The following NBEA variants were observed in gnomAD, a reference collection of about 807,000 sequenced individuals.
The protein encoded by NBEA is neurobeachin.
A neutral mutation model predicts 343.4 loss-of-function variants in NBEA; 44 were observed. The ratio of observed to expected loss-of-function variants is 0.13; its 90% CI spans 0.10 to 0.16. The LOEUF (loss-of-function observed/expected upper bound fraction) is 0.16. Among genes scored for constraint, NBEA ranks in the 10% least tolerant of loss-of-function variants. NBEA has a pLI of 1.00. For synonymous variants in NBEA, 1,175 were observed against 1,238.7 expected, an observed-to-expected ratio of 0.95 and a Z score of 1.08; for missense variants, 2,555 against 3,631.3, an observed-to-expected ratio of 0.70 and a Z score of 7.62.
At chr13:35,102,832 G>A (rs536350367) in intron 11 of NBEA, among the ~76,000 whole-genome samples, 1 of 151,760 alleles carries the variant, frequency 6.6e-6, no homozygotes, top group African/African-American at 2.4e-5. Flanking sequence ...GAGAATGATA[G>A]TTTTGTTTTT....
rs957986448 is a variant in NBEA at position 35,003,447 on chromosome 13, C to T, written c.295-37486C>T. Among the ~76,000 whole-genome samples the T allele has an allele frequency of 2.0e-5, 3 of 152,206 alleles. No individual in the cohort carries two copies. In the South Asian group the frequency reaches 6.2e-4, roughly 32 times the overall value. ...AGAAAATGCAGGTATATGCTTTTTA[C>T]AAGAAATGCCCAAGTAGTAAAAGGA... On this transcript the variant is annotated intron_variant, in intron 1 of 58. Coordinates refer to ENST00000379939, the MANE Select transcript of NBEA (RefSeq NM_001385012.1).
At chr13:35,306,977 C>A (rs1010202827) in intron 35 of NBEA, among the ~76,000 whole-genome samples, 7 of 151,986 alleles carry the variant, frequency 4.6e-5, no homozygotes, top group African/African-American at 7.2e-5. Flanking sequence ...ATTTCACATT[C>A]TTTTTTGATA....
chr13:35,665,894 C>T (rs1048969757), intron 56 of NBEA, among the ~76,000 whole-genome samples: 2 of 152,190 alleles, frequency 1.3e-5, no homozygotes, highest in African/African-American at 4.8e-5. Context: ...TCCCAAATTG[C>T]TGGGATTACA....
intron 37 of NBEA, 100 bp from the exon 38 acceptor site, chr13:35,352,057 A>G: frequency 1.5e-6 from 1 of 663,142 alleles, no homozygotes; most frequent in Non-Finnish European, 2.2e-6. Context: ...TTGAGTTTTA[A>G]AAAGTTGAAT....
intron 41 of NBEA, among the ~76,000 whole-genome samples, chr13:35,522,475 CAAAAAAAA>C (rs138270833): frequency 8.8e-4 from 37 of 42,074 alleles, no homozygotes; most frequent in African/African-American, 2.1e-3. Context: ...ATACCATCTC[CAAAAAAAA>C]AAAAAAAAAA....
At position 35,156,721 on chromosome 13, in the gene NBEA, G is replaced by A. The variant is rs1425458416; in HGVS notation, c.2652-357G>A. On this transcript the variant is annotated intron_variant, in intron 20 of 58. Coordinates refer to ENST00000379939, the MANE Select transcript of NBEA (RefSeq NM_001385012.1). ...CAGTGTAAGACTTTGTGCTACACAA[G>A]ATAGTCTTAGTACACAGTCTCAGTA... Among the ~76,000 whole-genome samples the A allele has an allele frequency of 1.8e-4, 28 of 152,254 alleles. 1 individual carries two copies. Among genetic ancestry groups the A allele is most frequent in the Non-Finnish European group, 7.4e-5 (5 of 68,012 alleles).
intron 38 of NBEA, among the ~76,000 whole-genome samples, chr13:35,408,466 C>G (rs950385050): frequency 1.3e-5 from 2 of 152,106 alleles, no homozygotes; most frequent in African/African-American, 4.8e-5. Context: ...GATTTCATGA[C>G]GAAGACACCA....
At chr13:35,440,615 T>C (rs2045687758) in intron 39 of NBEA, among the ~76,000 whole-genome samples, 1 of 152,144 alleles carries the variant, frequency 6.6e-6, no homozygotes, top group Non-Finnish European at 1.5e-5. Flanking sequence ...AAAATGGTAC[T>C]AAATGATGGA....
chr13:35,159,523 A>C lies in NBEA; in HGVS notation c.3352A>C (p.Ile1118Leu). The C allele has an allele frequency of 6.2e-7, 1 of 1,613,076 alleles. No homozygotes were observed. Among genetic ancestry groups the C allele is most frequent in the Non-Finnish European group, 8.5e-7 (1 of 1,179,624 alleles). The change falls in exon 22 of 59, where the codon ATT becomes CTT. Residue 1118 changes from isoleucine to leucine, a missense_variant. Physicochemically the swap from Ile to Leu is conservative, Grantham distance 5. Around this residue, in one of 21 missense-constraint regions of NBEA, gnomAD observed 367 missense variants for 377.5 expected, o/e 0.97. Coordinates refer to ENST00000379939, the MANE Select transcript of NBEA (RefSeq NM_001385012.1). Reference protein sequence around the residue: ...QNNVHGSVGIIKKNEEKDNGP... With the variant: ...QNNVHGSVGILKKNEEKDNGP... ...CAATGTACATGGAAGTGTTGGTATC[A>C]TTAAAAAAAATGAAGAAAAGGATAA...
chr13:34,942,994 G>A lies in NBEA; in HGVS notation c.174G>A (p.Ala58=), dbSNP rs1302390789. 1 of 1,610,996 alleles carries A rather than the reference G, an allele frequency of 6.2e-7. No individual in the cohort carries two copies. The highest frequency in any genetic ancestry group is 8.5e-7 in the Non-Finnish European group (1 of 1,178,720). The change falls in exon 1 of 59, where the codon GCG becomes GCA. Residue 58 remains alanine (A), a synonymous_variant. Coordinates refer to ENST00000379939, the MANE Select transcript of NBEA (RefSeq NM_001385012.1). ...ASGSGSVMLP[A]GMINPSVPIR... Reference sequence around the variant, plus strand: ...GCTCCGGCTCGGTGATGCTCCCCGCGGGGATGATTAACCCTTCGGTGCCGA... The same window carrying A: ...GCTCCGGCTCGGTGATGCTCCCCGCAGGGATGATTAACCCTTCGGTGCCGA...
chr13:35,270,079 A>C (rs7322068), intron 34 of NBEA, among the ~76,000 whole-genome samples: 118 of 152,292 alleles, frequency 7.7e-4, no homozygotes, highest in African/African-American at 2.6e-3. Context: ...TGTTCTGAGA[A>C]CTTCTCCAAA....
intron 37 of NBEA, among the ~76,000 whole-genome samples, chr13:35,351,476 A>G (rs2040197051): frequency 6.6e-6 from 1 of 152,028 alleles, no homozygotes; most frequent in African/African-American, 2.4e-5. Context: ...AAGAATGAAT[A>G]CATGTCAGAT....
At chr13:35,284,805 G>T (rs2152814185) in intron 34 of NBEA, among the ~76,000 whole-genome samples, 1 of 152,162 alleles carries the variant, frequency 6.6e-6, no homozygotes, top group South Asian at 2.1e-4. Context: ...ATCACAGTGA[G>T]GGAATAGGAA....
At chr13:35,093,576 G>T (rs2065190445) in intron 10 of NBEA, among the ~76,000 whole-genome samples, 1 of 151,962 alleles carries the variant, frequency 6.6e-6, no homozygotes, top group Non-Finnish European at 1.5e-5. Context: ...CTGGGCATTT[G>T]GCCTTCCTGC....
intron 39 of NBEA, among the ~76,000 whole-genome samples, chr13:35,444,978 T>G (rs2045919551): frequency 6.6e-6 from 1 of 152,160 alleles, no homozygotes; most frequent in African/African-American, 2.4e-5. Context: ...CATTCCTGTC[T>G]TCAGGGAGCA....
At chr13:35,007,432 T>C (rs2061354567) in intron 1 of NBEA, among the ~76,000 whole-genome samples, 1 of 152,218 alleles carries the variant, frequency 6.6e-6, no homozygotes, top group African/African-American at 2.4e-5. Flanking sequence ...TTTTCAGTTG[T>C]GGAAAGTATG....
At chr13:35,475,597 G>C in intron 41 of NBEA, 2 of 1,613,574 alleles carry the variant, frequency 1.2e-6, no homozygotes, top group Non-Finnish European at 1.7e-6. Flanking sequence ...AGCACTCCTC[G>C]GCCAGATCCC....
chr13:35,469,723 A>C (rs909238499), intron 40 of NBEA, among the ~76,000 whole-genome samples: 6 of 152,226 alleles, frequency 3.9e-5, no homozygotes, highest in African/African-American at 1.4e-4. Flanking sequence ...ACACCAAGCA[A>C]AGTTTAGGAG....
intron 58 of NBEA, among the ~76,000 whole-genome samples, 169 bp downstream of exon 58, chr13:35,668,688 G>T (rs374756365): frequency 3.9e-5 from 6 of 152,276 alleles, no homozygotes; most frequent in East Asian, 1.9e-4. Context: ...TAGTGAGAGG[G>T]AAACAGAGGA....
Sources: gnomAD v4.1 joint callset for allele counts (sites outside exome capture counted in the v4.1 genomes callset) on GRCh38, gnomAD v4.1.1 for gene constraint, gnomAD v4.1.1 regional missense constraint, MANE v1.5 for transcripts, NCBI Gene and HGNC (gene_info 2026-07-23, HGNC 2026-07-21) for gene names.